CSNK2A2IP: variants seen among roughly 807,000 people sequenced by gnomAD.
CSNK2A2IP encodes the protein casein kinase 2 subunit alpha' interacting protein.
the CSNK2A2IP span, among the ~76,000 whole-genome samples, chr3:88,345,395 C>T: frequency 1.3e-5 from 2 of 151,944 alleles, no homozygotes; most frequent in Admixed American, 6.6e-5. Flanking sequence ...AGGCATACCT[C>T]GTTTATTGTG....
chr3:88,360,335 G>A, the CSNK2A2IP span, among the ~76,000 whole-genome samples: 16 of 151,856 alleles, frequency 1.1e-4, no homozygotes, highest in Middle Eastern at 3.4e-3. Context: ...GGGTTTCACC[G>A]TGTTAGCCAG....
At chr3:88,454,290 A>T in the CSNK2A2IP span, among the ~76,000 whole-genome samples, 1 of 151,802 alleles carries the variant, frequency 6.6e-6, no homozygotes, top group African/African-American at 2.4e-5. Flanking sequence ...TTCCTATTGA[A>T]TTTTGAGAGT....
the CSNK2A2IP span, among the ~76,000 whole-genome samples, chr3:88,361,572 T>A: frequency 6.6e-6 from 1 of 152,196 alleles, no homozygotes; most frequent in African/African-American, 2.4e-5. Flanking sequence ...CTTTAAGAGT[T>A]TGATTATTAC....
At chr3:88,420,848 A>G in the CSNK2A2IP span, among the ~76,000 whole-genome samples, 1 of 152,192 alleles carries the variant, frequency 6.6e-6, no homozygotes, top group Non-Finnish European at 1.5e-5. Flanking sequence ...TCCAATCAGA[A>G]ATGATATTGG....
the CSNK2A2IP span, among the ~76,000 whole-genome samples, chr3:88,425,250 A>G: frequency 6.6e-6 from 1 of 152,118 alleles, no homozygotes; most frequent in Admixed American, 6.5e-5. Context: ...TATTTTGTAA[A>G]TGTTGCTTAA....
the CSNK2A2IP span, among the ~76,000 whole-genome samples, chr3:88,435,549 G>C: frequency 6.6e-6 from 1 of 152,046 alleles, no homozygotes; most frequent in Admixed American, 6.6e-5. Flanking sequence ...AGCCAATACC[G>C]AGGTTTATGG....
At chr3:88,416,077 C>A in the CSNK2A2IP span, among the ~76,000 whole-genome samples, 2 of 151,664 alleles carry the variant, frequency 1.3e-5, no homozygotes, top group Non-Finnish European at 2.9e-5. Flanking sequence ...TGGAGACCAT[C>A]CTGGCCAACA....
the CSNK2A2IP span, among the ~76,000 whole-genome samples, chr3:88,365,588 G>A: frequency 1.3e-5 from 2 of 152,126 alleles, no homozygotes; most frequent in South Asian, 4.1e-4. Context: ...CACTCCTAAA[G>A]TAATCTGGGT....
chr3:88,418,463 T>TGCGCGCGCGCGCGCGCGC, the CSNK2A2IP span, among the ~76,000 whole-genome samples: 9 of 149,536 alleles, frequency 6.0e-5, no homozygotes, highest in South Asian at 2.1e-4. Context: ...TGTGTGTGTG[T>TGCGCGCGCGCGCGCGCGC]GCGCGCGGGC....
the CSNK2A2IP span, among the ~76,000 whole-genome samples, chr3:88,338,831 A>G: frequency 2.6e-4 from 40 of 152,158 alleles, no homozygotes; most frequent in Admixed American, 1.6e-3. Flanking sequence ...TTTTGTTCAG[A>G]TATCTGCTAC....
chr3:88,439,971 G>T, the CSNK2A2IP span, among the ~76,000 whole-genome samples: 1 of 152,204 alleles, frequency 6.6e-6, no homozygotes, highest in East Asian at 1.9e-4. Context: ...AATTAAACCA[G>T]GACAATCCTG....
the CSNK2A2IP span, among the ~76,000 whole-genome samples, chr3:88,460,295 C>T: frequency 3.9e-5 from 6 of 152,030 alleles, no homozygotes; most frequent in African/African-American, 1.4e-4. Context: ...GTCATTTTGC[C>T]AAGTCTGAAA....
chr3:88,396,701 C>A, the CSNK2A2IP span, among the ~76,000 whole-genome samples: 2 of 152,122 alleles, frequency 1.3e-5, no homozygotes, highest in Non-Finnish European at 2.9e-5. Context: ...AGATAATGAT[C>A]TTGAAGCCAA....
chr3:88,432,915 T>A, the CSNK2A2IP span, among the ~76,000 whole-genome samples: 1 of 151,818 alleles, frequency 6.6e-6, no homozygotes, highest in Admixed American at 6.6e-5. Context: ...AGAGTTCTGG[T>A]TCACAGCTCA....
the CSNK2A2IP span, chr3:88,465,312 C>A: frequency 9.5e-6 from 11 of 1,153,618 alleles, no homozygotes; most frequent in Middle Eastern, 3.3e-4. Context: ...ACTAAATCAT[C>A]CCCACAAGCC....
chr3:88,413,896 G>C, the CSNK2A2IP span, among the ~76,000 whole-genome samples: 812 of 151,824 alleles, frequency 5.3e-3, 9 homozygotes, highest in African/African-American at 0.019. Context: ...AAAATCTTAA[G>C]AGCAATAAGA....
At chr3:88,381,877 A>G in the CSNK2A2IP span, among the ~76,000 whole-genome samples, 1 of 152,214 alleles carries the variant, frequency 6.6e-6, no homozygotes, top group Non-Finnish European at 1.5e-5. Context: ...CTAAAAATGT[A>G]TCAAGTTATA....
the CSNK2A2IP span, among the ~76,000 whole-genome samples, chr3:88,380,033 C>A: frequency 6.6e-6 from 1 of 151,724 alleles, no homozygotes; most frequent in East Asian, 1.9e-4. Flanking sequence ...TTAAGTAAAA[C>A]TAAAAATGTT....
the CSNK2A2IP span, among the ~76,000 whole-genome samples, chr3:88,447,446 A>G: frequency 2.2e-4 from 33 of 152,248 alleles, no homozygotes; most frequent in African/African-American, 7.7e-4. Context: ...TTTAAAAATA[A>G]TTCTAACTGT....
Sources: allele counts gnomAD v4.1 joint callset (sites outside exome capture counted in the v4.1 genomes callset), GRCh38; gene constraint gnomAD v4.1.1; transcripts MANE v1.5; gene names NCBI Gene and HGNC (gene_info 2026-07-23, HGNC 2026-07-21).